Variants in DAO observed in about 807,000 individuals in gnomAD.
DAO encodes D-amino acid oxidase.
DAO carries 51 observed loss-of-function variants against 50.1 expected under a neutral mutation model. The observed-to-expected ratio is 1.02, with a 90% CI of 0.81 to 1.29. The LOEUF (loss-of-function observed/expected upper bound fraction) is 1.29, where lower values mean the gene tolerates loss of function less well. Among genes scored for constraint, DAO ranks in the 50% most tolerant of loss-of-function variants. DAO has a pLI of 0.00. For synonymous variants in DAO, 160 were observed against 166.2 expected (o/e 0.96, Z 0.29); for missense variants, 436 against 439.4 (o/e 0.99, Z 0.07).
chr12:108,895,486 A>G (rs1216122564), intron 7 of DAO, among the ~76,000 whole-genome samples: 1 of 124,182 alleles, frequency 8.1e-6, no homozygotes, highest in Non-Finnish European at 1.6e-5. Flanking sequence ...CATGTATGTG[A>G]GGGTGTATGT....
At chr12:108,896,034 T>TAA (rs71079505) in intron 7 of DAO, among the ~76,000 whole-genome samples, 160 of 147,106 alleles carry the variant, frequency 1.1e-3, no homozygotes, top group African/African-American at 1.8e-3. Flanking sequence ...ACATTTTCTT[T>TAA]AAAAAAAAAA....
chr12:108,898,295 T>C (rs2039583490), intron 8 of DAO, among the ~76,000 whole-genome samples: 1 of 152,056 alleles, frequency 6.6e-6, no homozygotes, highest in Non-Finnish European at 1.5e-5. Flanking sequence ...TCAATGATGT[T>C]AATACTGTAG....
At chr12:108,889,932 T>C (rs772989828) in intron 4 of DAO, among the ~76,000 whole-genome samples, 9 of 152,122 alleles carry the variant, frequency 5.9e-5, no homozygotes, top group Non-Finnish European at 1.0e-4. Flanking sequence ...CTCTCTGGTC[T>C]TCTCCTCACC....
intron 5 of DAO, 73 bp from the exon 6 acceptor site, chr12:108,892,909 C>A: frequency 7.1e-7 from 1 of 1,401,444 alleles, no homozygotes; most frequent in Non-Finnish European, 1.0e-6. Context: ...GGGAAAGGTC[C>A]CTGTGCCACC....
intron 1 of DAO, chr12:108,883,809 T>C (rs1270760071): frequency 2.9e-6 from 1 of 346,120 alleles, no homozygotes; most frequent in African/African-American, 2.2e-5. Flanking sequence ...TATCTCCAAC[T>C]TGGCTTCTGA....
chr12:108,887,584 C>T lies in DAO; in HGVS notation c.309+20C>T. ...ATTCCGGTGGGTGAACAGTTCTTGA[C>T]CATGAGGGATGAGCACCCAGGGCTG... On this transcript the variant is annotated intron_variant, in intron 3 of 10. Coordinates refer to ENST00000228476, the MANE Select transcript of DAO (RefSeq NM_001917.5). 6.4e-7 allele frequency: 1 copy of T among 1,567,844 alleles called. No homozygotes were observed. The highest frequency in any genetic ancestry group is 1.1e-5 in the South Asian group (1 of 90,108).
intron 8 of DAO, among the ~76,000 whole-genome samples, chr12:108,897,597 A>C (rs564105816): frequency 1.2e-4 from 18 of 151,888 alleles, no homozygotes; most frequent in Admixed American, 5.2e-4. Context: ...TACCGTGAAC[A>C]TTCTTTTGGA....
intron 1 of DAO, 31 bp downstream of exon 1, chr12:108,880,255 A>G (rs2137332313): frequency 2.4e-6 from 1 of 410,388 alleles, no homozygotes; most frequent in Middle Eastern, 3.5e-4. Flanking sequence ...TGAGCTGGGG[A>G]CAGGGGTTGG....
At chr12:108,885,225 C>T (rs1441844589) in intron 2 of DAO, 25 bp downstream of exon 2, 5 of 1,605,992 alleles carry the variant, frequency 3.1e-6, no homozygotes, top group Admixed American at 1.7e-5. Context: ...CATAGGGTAG[C>T]CTGGGGTGCC....
chr12:108,897,097 G>C lies in DAO; in HGVS notation c.695+9G>C. 6.2e-7 allele frequency: 1 copy of C among 1,607,416 alleles called. No homozygotes were observed. Among genetic ancestry groups the C allele is most frequent in the Non-Finnish European group, 8.5e-7 (1 of 1,174,090 alleles). ...CCGTACATCATCCCAGGGTAAAATT[G>C]GACTGTTCTCGGGCAGAAGAGTGGT... On this transcript the variant is annotated intron_variant, in intron 8 of 10. Coordinates refer to ENST00000228476, the MANE Select transcript of DAO (RefSeq NM_001917.5).
Position 108,890,200 on chromosome 12 carries a change from G to T in DAO, c.387-8G>T. The T allele has an allele frequency of 6.2e-7, 1 of 1,610,936 alleles. No individual in the cohort carries two copies. The highest frequency in any genetic ancestry group is 1.1e-5 in the South Asian group (1 of 90,942). ...TTTATTTCCACCTTTTGCTTACTGT[G>T]ACTCTAGCTATGGCTGGTTCCACAC... is the stretch of plus-strand genomic sequence containing the variant. On this transcript the variant is annotated splice_region_variant and splice_polypyrimidine_tract_variant and intron_variant, in intron 4 of 10. Coordinates refer to ENST00000228476, the MANE Select transcript of DAO (RefSeq NM_001917.5).
intron 5 of DAO, among the ~76,000 whole-genome samples, chr12:108,892,527 G>A (rs1341419351): frequency 1.3e-5 from 2 of 152,136 alleles, no homozygotes; most frequent in Non-Finnish European, 2.9e-5. Context: ...AAAGGAGGGT[G>A]GATGTCCTCA....
chr12:108,895,005 C>T (rs1361082255), intron 7 of DAO, among the ~76,000 whole-genome samples: 1 of 152,214 alleles, frequency 6.6e-6, no homozygotes, highest in African/African-American at 2.4e-5. Context: ...CGTGAGCCAC[C>T]ACGCTCAGCC....
Position 108,887,474 on chromosome 12 carries a change from C to G in DAO, c.219C>G (p.Asp73Glu). ...QEADWSQQTF[D>E]YLLSHVHSPN... ...GGGACTGGAGCCAACAGACCTTTGACTATCTCCTGAGCCATGTCCATTCTC... is the reference window on the plus strand; with the variant it reads ...GGGACTGGAGCCAACAGACCTTTGAGTATCTCCTGAGCCATGTCCATTCTC... The change falls in exon 3 of 11, where the codon GAC (aspartate) becomes GAG (glutamate). Residue 73 changes from aspartate to glutamate, a missense_variant. By Grantham distance (45) the Asp-to-Glu change is conservative (BLOSUM62 2). Coordinates refer to ENST00000228476, the MANE Select transcript of DAO (RefSeq NM_001917.5). 6.2e-7 allele frequency: 1 copy of G among 1,614,106 alleles called. No individual in the cohort carries two copies. Among genetic ancestry groups the G allele is most frequent in the Non-Finnish European group, 8.5e-7 (1 of 1,179,976 alleles).
rs924508633 is a variant in DAO at position 108,881,919 on chromosome 12, A to G, written c.-10+1695A>G. On this transcript the variant is annotated intron_variant, in intron 1 of 10. Transcript: ENST00000228476. ...CTGTGCCCGGCCTTTTTGATTTTCC[A>G]TTCTATTCCTACCAACACTCTAAAA... Among the ~76,000 whole-genome samples, 7 of 152,030 alleles carry G rather than the reference A, an allele frequency of 4.6e-5. No homozygotes were observed. In the South Asian group the frequency reaches 1.2e-3, roughly 27 times the overall value.
intron 1 of DAO, among the ~76,000 whole-genome samples, chr12:108,881,798 G>T (rs1360026333): frequency 1.3e-5 from 2 of 151,336 alleles, no homozygotes; most frequent in Non-Finnish European, 2.9e-5. Flanking sequence ...TAGAGACAGG[G>T]TTTCACCATA....
rs778738305 is a variant in DAO at position 108,894,289 on chromosome 12, T to A, written c.534T>A (p.Ile178=). 4 of 1,613,982 alleles carry A rather than the reference T, an allele frequency of 2.5e-6. No homozygotes were observed. Among genetic ancestry groups the A allele is most frequent in the Non-Finnish European group, 3.4e-6 (4 of 1,179,964 alleles). ...TGGCAAGAGAAGGCGCAGACGTGATTGTCAACTGCACTGGGGTATGGGCTG... is the reference window on the plus strand; with the variant it reads ...TGGCAAGAGAAGGCGCAGACGTGATAGTCAACTGCACTGGGGTATGGGCTG... The part of the protein sequence containing the change: ...EEVAREGADV[I]VNCTGVWAGA... Residue 178 remains isoleucine, a synonymous_variant, in exon 7 of 11, where the codon ATT becomes ATA. Coordinates refer to ENST00000228476, the MANE Select transcript of DAO (RefSeq NM_001917.5).
chr12:108,885,115 G>C lies in DAO; in HGVS notation c.109G>C (p.Asp37His). The C allele has an allele frequency of 6.2e-7, 1 of 1,613,746 alleles. No homozygotes were observed. Among genetic ancestry groups the C allele is most frequent in the South Asian group, 1.1e-5 (1 of 91,080 alleles). The change falls in exon 2 of 11, where the codon GAC becomes CAC. Residue 37 changes from aspartate (D) to histidine (H), a missense_variant. Coordinates refer to ENST00000228476, the MANE Select transcript of DAO (RefSeq NM_001917.5). ...LQPLDIKVYA[D>H]RFTPLTTTDV... ...GCCACTGGACATAAAGGTCTACGCGGACCGCTTCACCCCACTCACCACCAC... is the reference window on the plus strand; with the variant it reads ...GCCACTGGACATAAAGGTCTACGCGCACCGCTTCACCCCACTCACCACCAC...
intron 4 of DAO, 138 bp from the exon 5 acceptor site, chr12:108,890,070 C>G: frequency 3.9e-6 from 3 of 761,322 alleles, no homozygotes; most frequent in Non-Finnish European, 7.0e-6. Context: ...ACCACGTCCC[C>G]CCTTGAACTT....
Sources: allele counts gnomAD v4.1 joint callset (sites outside exome capture counted in the v4.1 genomes callset), GRCh38; gene constraint gnomAD v4.1.1; transcripts MANE v1.5; gene names NCBI Gene and HGNC (gene_info 2026-07-23, HGNC 2026-07-21).